The following HPSE2 variants were observed in gnomAD, a reference collection of about 807,000 sequenced individuals.
The protein encoded by HPSE2 is inactive heparanase-2.
Under a neutral mutation model 60.5 loss-of-function variants are expected in HPSE2, and 38 were observed. The observed-to-expected ratio is 0.63, with a 90% confidence interval of 0.48 to 0.82. The LOEUF is 0.82. HPSE2 is among the 40% of genes least tolerant of loss of function. HPSE2 has a pLI of 0.00. For missense variants in HPSE2, 713 were observed against 740.4 expected, an observed-to-expected ratio of 0.96 and a Z score of 0.43; for synonymous variants, 295 against 293.2, an observed-to-expected ratio of 1.01 and a Z score of -0.06.
At chr10:98,695,068 G>A (rs1948176717) in intron 5 of HPSE2, among the ~76,000 whole-genome samples, 1 of 152,198 alleles carries the variant, frequency 6.6e-6, no homozygotes. Flanking sequence ...GCTGTGTATT[G>A]CCTAAACAGA....
At chr10:98,840,984 T>C (rs1488885740) in intron 3 of HPSE2, among the ~76,000 whole-genome samples, 2 of 152,290 alleles carry the variant, frequency 1.3e-5, no homozygotes, top group African/African-American at 4.8e-5. Context: ...AGAAGAACTA[T>C]AATAGGTACA....
chr10:99,070,936 A>G (rs1385148009), intron 3 of HPSE2, among the ~76,000 whole-genome samples: 3 of 152,160 alleles, frequency 2.0e-5, no homozygotes, highest in Non-Finnish European at 4.4e-5. Context: ...GAGTGTTTCC[A>G]CATCTGTTGT....
At chr10:98,889,998 T>G (rs1953288045) in intron 3 of HPSE2, among the ~76,000 whole-genome samples, 1 of 152,088 alleles carries the variant, frequency 6.6e-6, no homozygotes. Flanking sequence ...CAAACAGTGG[T>G]TCAAAGTTGG....
chr10:98,715,021 A>T (rs1242806289), intron 5 of HPSE2, among the ~76,000 whole-genome samples: 1 of 151,780 alleles, frequency 6.6e-6, no homozygotes, highest in Non-Finnish European at 1.5e-5. Context: ...TCCATATTTT[A>T]GTTAGGTAAT....
At chr10:98,493,442 C>T (rs1221142915) in intron 9 of HPSE2, among the ~76,000 whole-genome samples, 3 of 152,148 alleles carry the variant, frequency 2.0e-5, no homozygotes, top group African/African-American at 4.8e-5. Flanking sequence ...TCTTTCAATT[C>T]TGGCAACTTT....
intron 9 of HPSE2, among the ~76,000 whole-genome samples, chr10:98,534,864 A>G (rs190396423): frequency 6.6e-6 from 1 of 152,372 alleles, no homozygotes; most frequent in East Asian, 1.9e-4. Context: ...AGCAAAGGCA[A>G]CATCAATAAA....
intron 7 of HPSE2, among the ~76,000 whole-genome samples, chr10:98,621,304 T>C (rs954957988): frequency 7.9e-5 from 12 of 152,000 alleles, no homozygotes; most frequent in African/African-American, 2.9e-4. Flanking sequence ...TTGCATGCCT[T>C]CCAAGCAGAA....
intron 3 of HPSE2, among the ~76,000 whole-genome samples, chr10:98,832,013 C>CT (rs1319635281): frequency 2.6e-5 from 4 of 152,200 alleles, no homozygotes; most frequent in Non-Finnish European, 5.9e-5. Flanking sequence ...TTGGGGACCT[C>CT]TGTTTCTCCC....
intron 3 of HPSE2, 142 bp from the exon 4 acceptor site, chr10:98,744,198 CT>C: frequency 1.2e-6 from 1 of 814,046 alleles, no homozygotes; most frequent in South Asian, 1.5e-5. Flanking sequence ...GGACTATTAC[CT>C]TTTGGTCTGG....
chr10:99,177,005 C>T (rs1051433166), intron 2 of HPSE2, among the ~76,000 whole-genome samples: 1 of 152,128 alleles, frequency 6.6e-6, no homozygotes, highest in Non-Finnish European at 1.5e-5. Flanking sequence ...CCCAGAATTA[C>T]ATATACAGCC....
At chr10:99,211,405 G>C (rs1168027551) in intron 2 of HPSE2, among the ~76,000 whole-genome samples, 1 of 151,900 alleles carries the variant, frequency 6.6e-6, no homozygotes, top group East Asian at 1.9e-4. Flanking sequence ...AAACAATCTT[G>C]AGCAAAAAGA....
chr10:99,033,337 T>C (rs562124067), intron 3 of HPSE2, among the ~76,000 whole-genome samples: 1 of 152,180 alleles, frequency 6.6e-6, no homozygotes, highest in Non-Finnish European at 1.5e-5. Flanking sequence ...ATATGATTTC[T>C]AAGTTAAAAT....
intron 3 of HPSE2, among the ~76,000 whole-genome samples, chr10:98,758,556 C>T (rs879047227): frequency 1.3e-5 from 2 of 152,134 alleles, no homozygotes; most frequent in African/African-American, 4.8e-5. Context: ...AGAAGACATA[C>T]ACATGGCCCA....
intron 2 of HPSE2, among the ~76,000 whole-genome samples, chr10:99,157,956 A>G (rs1254430200): frequency 1.7e-5 from 2 of 120,252 alleles, no homozygotes; most frequent in African/African-American, 5.1e-5. Context: ...GTGAACAGAC[A>G]CTTCTCAAAA....
intron 3 of HPSE2, among the ~76,000 whole-genome samples, chr10:99,118,738 C>A (rs1356740976): frequency 6.6e-6 from 1 of 151,598 alleles, no homozygotes; most frequent in Admixed American, 6.6e-5. Context: ...CATCCCGGGC[C>A]GAGTGTGGTG....
At chr10:98,860,257 T>C (rs1589962385) in intron 3 of HPSE2, among the ~76,000 whole-genome samples, 1 of 152,208 alleles carries the variant, frequency 6.6e-6, no homozygotes, top group South Asian at 2.1e-4. Flanking sequence ...GCCAATATCA[T>C]TTAAAATGTG....
At chr10:98,592,066 G>C (rs1251391383) in intron 9 of HPSE2, among the ~76,000 whole-genome samples, 3 of 152,326 alleles carry the variant, frequency 2.0e-5, no homozygotes, top group East Asian at 3.9e-4. Context: ...TTAAGCTTCA[G>C]TTTCTCTTGG....
intron 6 of HPSE2, among the ~76,000 whole-genome samples, chr10:98,645,667 AAG>A (rs1192771524): frequency 4.6e-5 from 7 of 152,150 alleles, no homozygotes; most frequent in Non-Finnish European, 1.0e-4. Flanking sequence ...TATCACTTTT[AAG>A]AGAGGGGATC....
chr10:98,798,054 G>A (rs1428422616), intron 3 of HPSE2, among the ~76,000 whole-genome samples: 1 of 152,046 alleles, frequency 6.6e-6, no homozygotes, highest in Non-Finnish European at 1.5e-5. Context: ...CAAGAATAAG[G>A]AAAGGACCCT....
Sources: allele counts gnomAD v4.1 joint callset (sites outside exome capture counted in the v4.1 genomes callset), GRCh38; gene constraint gnomAD v4.1.1; transcripts MANE v1.5; gene names NCBI Gene and HGNC (gene_info 2026-07-23, HGNC 2026-07-21).